The following LMO7 variants were observed in gnomAD, a reference collection of about 807,000 sequenced individuals.
The protein encoded by LMO7 is LIM domain only protein 7.
Under a neutral mutation model 206.5 loss-of-function variants are expected in LMO7, and 120 were observed. The ratio of observed to expected loss-of-function variants is 0.58; its 90% CI spans 0.50 to 0.68. LMO7 has a LOEUF of 0.68. LMO7 is among the 30% of genes least tolerant of loss of function. LMO7 has a pLI of 0.00. For missense variants in LMO7, 1,959 were observed against 1,957.9 expected (o/e 1.00, Z -0.01); for synonymous variants, 706 against 681.5 (o/e 1.04, Z -0.56).
chr13:75,715,502 C>G (rs948445134), intron 2 of LMO7, among the ~76,000 whole-genome samples: 2 of 152,180 alleles, frequency 1.3e-5, no homozygotes, highest in African/African-American at 4.8e-5. Flanking sequence ...TAATCAGTCT[C>G]TTAGTACCCA....
intron 4 of LMO7, among the ~76,000 whole-genome samples, chr13:75,769,293 G>GT (rs1328195062): frequency 7.2e-5 from 11 of 151,968 alleles, no homozygotes; most frequent in Non-Finnish European, 1.6e-4. Flanking sequence ...GGCATTGGTT[G>GT]TTGGTGGATT....
intron 19 of LMO7, among the ~76,000 whole-genome samples, chr13:75,836,806 G>A (rs2059169839): frequency 6.6e-6 from 1 of 152,182 alleles, no homozygotes; most frequent in African/African-American, 2.4e-5. Context: ...TATGAATGAA[G>A]TTTCCTTTCT....
chr13:75,801,026 G>A (rs2054657399), intron 7 of LMO7, 144 bp downstream of exon 7: 2 of 720,394 alleles, frequency 2.8e-6, no homozygotes, highest in African/African-American at 3.5e-5. Flanking sequence ...ATAATTGGGG[G>A]TTTTGTTATT....
intron 25 of LMO7, 45 bp from the exon 26 acceptor site, chr13:75,845,282 G>T (rs772730745): frequency 1.9e-5 from 17 of 897,568 alleles, no homozygotes; most frequent in Admixed American, 5.7e-5. Context: ...TATAAAGGAG[G>T]TTATTTAATG....
At chr13:75,851,111 C>A (rs2060469574) in intron 27 of LMO7, among the ~76,000 whole-genome samples, 1 of 152,130 alleles carries the variant, frequency 6.6e-6, no homozygotes, top group Admixed American at 6.5e-5. Flanking sequence ...CCCCATTGGC[C>A]AAATTAGTCA....
In LMO7 at chr13:75,841,823, G is replaced by A. The variant is rs1027720048; in HGVS notation, c.3871G>A (p.Val1291Ile). The A allele has an allele frequency of 7.4e-6, 12 of 1,614,000 alleles. No homozygotes were observed. The highest frequency in any genetic ancestry group is 1.7e-5 in the Admixed American group (1 of 60,010). The change falls in exon 24 of 31, where the codon GTT (valine) becomes ATT (isoleucine). Residue 1291 changes from valine to isoleucine, a missense_variant. By Grantham distance (29) the Val-to-Ile change is conservative (BLOSUM62 3). Coordinates refer to ENST00000377534, the MANE Select transcript of LMO7 (RefSeq NM_001306080.2). ...AGGAAAGAAGCCGCAGGATCAGCTT[G>A]TTATTGAGAGAGAGAGGAAATGGGA... ...DQGKKPQDQL[V>I]IERERKWEQQ...
At chr13:75,626,577 T>TAGATATATATATATA (rs71127564) in intron 2 of LMO7, among the ~76,000 whole-genome samples, 1 of 74,510 alleles carries the variant, frequency 1.3e-5, no homozygotes, top group African/African-American at 4.4e-5. Flanking sequence ...AACATATATA[T>TAGATATATATATATA]TATATATATA....
intron 1 of LMO7, among the ~76,000 whole-genome samples, chr13:75,703,129 CCAAA>C (rs1175541140): frequency 1.3e-5 from 2 of 152,162 alleles, no homozygotes; most frequent in Admixed American, 6.6e-5. Context: ...GGCTCTTCCT[CCAAA>C]ACACAACCAA....
intron 4 of LMO7, among the ~76,000 whole-genome samples, chr13:75,778,551 A>T (rs990481681): frequency 7.2e-5 from 11 of 152,194 alleles, no homozygotes; most frequent in Non-Finnish European, 1.3e-4. Context: ...CCTTTTAACA[A>T]TGCGCCCTTA....
At chr13:75,669,662 G>A (rs2039381890) in intron 1 of LMO7, among the ~76,000 whole-genome samples, 1 of 152,182 alleles carries the variant, frequency 6.6e-6, no homozygotes, top group Non-Finnish European at 1.5e-5. Context: ...TATGTACTGA[G>A]TTGTTTTAGT....
At chr13:75,809,948 C>T (rs2056127194) in intron 11 of LMO7, among the ~76,000 whole-genome samples, 1 of 150,958 alleles carries the variant, frequency 6.6e-6, no homozygotes, top group African/African-American at 2.4e-5. Flanking sequence ...TCTCCTGTCT[C>T]AGCCTCCTGA....
intron 3 of LMO7, among the ~76,000 whole-genome samples, chr13:75,732,183 T>C (rs571872628): frequency 4.6e-5 from 7 of 152,314 alleles, no homozygotes; most frequent in South Asian, 4.1e-4. Flanking sequence ...CCTTGCTAGA[T>C]TGGGGAAGTT....
intron 4 of LMO7, among the ~76,000 whole-genome samples, chr13:75,783,330 CT>C (rs943319307): frequency 6.6e-6 from 1 of 151,818 alleles, no homozygotes; most frequent in Non-Finnish European, 1.5e-5. Context: ...TGATATGTTC[CT>C]TTTTTTTGAC....
At position 75,819,414 on chromosome 13, in the gene LMO7, C is replaced by T. The variant is rs749357751; in HGVS notation, c.2086C>T (p.Arg696Cys). The T allele has an allele frequency of 2.5e-6, 4 of 1,604,142 alleles. No homozygotes were observed. Among genetic ancestry groups the T allele is most frequent in the Non-Finnish European group, 3.4e-6 (4 of 1,177,176 alleles). Residue 696 changes from arginine to cysteine, a missense_variant, in exon 13 of 31, where the codon CGT becomes TGT. Transcript: ENST00000377534. ...WQDDLAKWKDRRKSYTSDLQK... is the reference protein window; with the variant it reads ...WQDDLAKWKDCRKSYTSDLQK... The stretch of plus-strand genomic sequence containing the variant: ...TCAGGACCTTGCAAAATGGAAAGAT[C>T]GTCGAAAAAGTTACACTTCAGATCT...
intron 1 of LMO7, among the ~76,000 whole-genome samples, chr13:75,708,037 G>A (rs973943641): frequency 3.9e-5 from 6 of 152,098 alleles, no homozygotes; most frequent in Non-Finnish European, 7.4e-5. Context: ...TATATGATGC[G>A]GAGGTGTGTT....
At chr13:75,655,637 T>TTATATATATATATATA (rs67966172) in intron 1 of LMO7, among the ~76,000 whole-genome samples, 11 of 134,738 alleles carry the variant, frequency 8.2e-5, no homozygotes, top group South Asian at 2.3e-4. Flanking sequence ...TTCATGGATT[T>TTATATATATATATATA]TATATATATA....
chr13:75,649,188 C>T (rs2037326773), intron 1 of LMO7, among the ~76,000 whole-genome samples: 1 of 152,044 alleles, frequency 6.6e-6, no homozygotes, highest in African/African-American at 2.4e-5. Flanking sequence ...TACTGGATAT[C>T]GATTTTGATT....
chr13:75,685,539 G>A (rs2040896872), intron 1 of LMO7, among the ~76,000 whole-genome samples: 1 of 152,200 alleles, frequency 6.6e-6, no homozygotes, highest in African/African-American at 2.4e-5. Context: ...GGAAGCACTT[G>A]AGCCTGTGGA....
chr13:75,733,058 TGCTCGGG>T (rs746458817), intron 3 of LMO7, among the ~76,000 whole-genome samples: 1 of 152,192 alleles, frequency 6.6e-6, no homozygotes, highest in Non-Finnish European at 1.5e-5. Context: ...CCAGTTAGAC[TGCTCGGG>T]GGTCAGGGGT....
Sources: allele counts gnomAD v4.1 joint callset (sites outside exome capture counted in the v4.1 genomes callset), GRCh38; gene constraint gnomAD v4.1.1; transcripts MANE v1.5; gene names NCBI Gene and HGNC (gene_info 2026-07-23, HGNC 2026-07-21).